SBF2: variants seen among roughly 807,000 people sequenced by gnomAD.
SBF2 encodes myotubularin-related protein 13.
SBF2 carries 112 observed loss-of-function variants against 225.2 expected under a neutral mutation model. The observed-to-expected ratio is 0.50, with a 90% CI of 0.43 to 0.58. SBF2 has a LOEUF of 0.58. Among genes scored for constraint, SBF2 ranks in the 20% least tolerant of loss-of-function variants. SBF2 has a pLI of 0.00. For missense variants in SBF2, 1,996 were observed against 2,206.2 expected (o/e 0.90, Z 1.91); for synonymous variants, 763 against 773.3 (o/e 0.99, Z 0.22).
At position 10,217,660 on chromosome 11, in the gene SBF2, C is replaced by CG. The variant is rs1958179823; in HGVS notation, c.56-23674_56-23673insC. The stretch of plus-strand genomic sequence containing the variant: ...CTCTATCAGAGGCCAAACTGTGCTG[C>CG]TACTTCCTCATAATTTTTATGAGAG... On this transcript the variant is annotated intron_variant, in intron 1 of 39. Coordinates refer to ENST00000256190, the MANE Select transcript of SBF2 (RefSeq NM_030962.4). Among the ~76,000 whole-genome samples the CG allele has an allele frequency of 2.6e-5, 4 of 152,246 alleles. No individual in the cohort carries two copies. In the South Asian group the frequency reaches 6.2e-4, roughly 24 times the overall value.
intron 1 of SBF2, among the ~76,000 whole-genome samples, chr11:10,252,106 G>A (rs563775645): frequency 3.3e-5 from 5 of 152,360 alleles, no homozygotes; most frequent in Admixed American, 1.3e-4. Context: ...TTTGCCTCCT[G>A]TAAACAGGAT....
intron 2 of SBF2, among the ~76,000 whole-genome samples, chr11:10,186,462 T>A (rs1339694585): frequency 6.6e-6 from 1 of 151,982 alleles, no homozygotes; most frequent in East Asian, 1.9e-4. Flanking sequence ...AGTCCAGGAG[T>A]TCGTGGTTAC....
chr11:10,201,373 A>G (rs775806191), intron 1 of SBF2, among the ~76,000 whole-genome samples: 2 of 152,190 alleles, frequency 1.3e-5, no homozygotes, highest in Non-Finnish European at 2.9e-5. Context: ...ATCAAAGTTC[A>G]CCAGAATAAG....
At chr11:9,845,237 A>C (rs1856454895) in intron 24 of SBF2, among the ~76,000 whole-genome samples, 1 of 152,238 alleles carries the variant, frequency 6.6e-6, no homozygotes, top group African/African-American at 2.4e-5. Flanking sequence ...CTGGGCCTGG[A>C]TATTAATAAA....
At chr11:10,048,663 G>A (rs1026139598) in intron 2 of SBF2, among the ~76,000 whole-genome samples, 4 of 152,146 alleles carry the variant, frequency 2.6e-5, no homozygotes, top group Admixed American at 6.5e-5. Context: ...GATAAAATAT[G>A]AGCTTTCAAG....
intron 1 of SBF2, among the ~76,000 whole-genome samples, chr11:10,201,506 T>C (rs1362366772): frequency 1.3e-5 from 2 of 152,236 alleles, no homozygotes; most frequent in South Asian, 2.1e-4. Context: ...TTGATCCATT[T>C]AGCATTTAAT....
chr11:9,832,455 G>A (rs200324453), intron 26 of SBF2, 35 bp from the exon 27 acceptor site: 35 of 1,515,604 alleles, frequency 2.3e-5, no homozygotes, highest in Non-Finnish European at 1.2e-5. Flanking sequence ...AGAATGATTG[G>A]GGGAAGGAAC....
intron 1 of SBF2, among the ~76,000 whole-genome samples, chr11:10,201,081 C>T (rs182431305): frequency 6.6e-6 from 1 of 152,180 alleles, no homozygotes; most frequent in Non-Finnish European, 1.5e-5. Context: ...CTCTCTTCTT[C>T]ATTAAGAATA....
chr11:10,002,617 A>G lies in SBF2; in HGVS notation c.692T>C (p.Phe231Ser). 6.2e-7 allele frequency: 1 copy of G among 1,613,052 alleles called. No homozygotes were observed. The highest frequency in any genetic ancestry group is 1.3e-5 in the African/African-American group (1 of 75,040). Residue 231 changes from phenylalanine (F) to serine (S), a missense_variant, in exon 7 of 40, where the codon TTC becomes TCC. Transcript: ENST00000256190. The stretch of plus-strand genomic sequence containing the variant: ...TCTACAAGCATCACTAAGTCTCTGG[A>G]AACTTGCAGAATGGAAGAGAACCTT... ...ENKVLFHSASFQRLSDACRAL... is the reference protein window; with the variant it reads ...ENKVLFHSASSQRLSDACRAL...
At position 10,002,626 on chromosome 11, in the gene SBF2, G is replaced by C. The variant is rs527564842; in HGVS notation, c.683C>G (p.Ser228Cys). 1 of 1,612,426 alleles carries C rather than the reference G, an allele frequency of 6.2e-7. No individual in the cohort carries two copies. Among genetic ancestry groups the C allele is most frequent in the East Asian group, 2.2e-5 (1 of 44,794 alleles). Residue 228 changes from serine to cysteine, a missense_variant, in exon 7 of 40, where the codon TCT becomes TGT. Coordinates refer to ENST00000256190, the MANE Select transcript of SBF2 (RefSeq NM_030962.4). ...VLTENKVLFHSASFQRLSDAC... is the reference protein window; with the variant it reads ...VLTENKVLFHCASFQRLSDAC... Reference sequence around the variant, plus strand: ...ATCACTAAGTCTCTGGAAACTTGCAGAATGGAAGAGAACCTTATTTTCTGT... The same window carrying C: ...ATCACTAAGTCTCTGGAAACTTGCACAATGGAAGAGAACCTTATTTTCTGT...
At chr11:10,289,091 G>A (rs955486428) in intron 1 of SBF2, among the ~76,000 whole-genome samples, 3 of 152,236 alleles carry the variant, frequency 2.0e-5, no homozygotes, top group Non-Finnish European at 2.9e-5. Flanking sequence ...GGCTGAGGAG[G>A]CAGGGGCCCA....
chr11:10,260,146 G>A (rs895356536), intron 1 of SBF2, among the ~76,000 whole-genome samples: 1 of 152,086 alleles, frequency 6.6e-6, no homozygotes, highest in Non-Finnish European at 1.5e-5. Context: ...AATTTTAAAA[G>A]GCCACAATAG....
In SBF2 at chr11:9,784,968, C is replaced by CAA. The variant is rs1852275179; in HGVS notation, c.5231+155_5231+156dup. On this transcript the variant is annotated intron_variant, in intron 37 of 39. Coordinates refer to ENST00000256190, the MANE Select transcript of SBF2 (RefSeq NM_030962.4). ...TTGTAATTTTTGTTTTTTGTCTTTT[C>CAA]AAAGAAACATCTAAAACATTACAAA... 3 of 746,170 alleles carry CAA rather than the reference C, an allele frequency of 4.0e-6. No homozygotes were observed. The East Asian group carries it at 8.1e-5, about 20-fold the overall frequency. The allele number at this position is 746,170 out of a possible 1,614,324, so 46.2% of individuals were successfully genotyped here.
In SBF2 at chr11:10,211,014, C is replaced by CAAA. The variant is rs1230619092; in HGVS notation, c.56-17030_56-17028dup. ...GGCGACAAGAGCAAGACTCTTGACT[C>CAAA]AAAAAAAAAAAAAAAAAAAAAGAGC... On this transcript the variant is annotated intron_variant, in intron 1 of 39. Coordinates refer to ENST00000256190, the MANE Select transcript of SBF2 (RefSeq NM_030962.4). 1.3e-3 allele frequency among the ~76,000 whole-genome samples: 43 copies of CAAA among 33,016 alleles called. 6 individuals are homozygous for CAAA. Among genetic ancestry groups the CAAA allele is most frequent in the Non-Finnish European group, 2.0e-3 (31 of 15,264 alleles). The allele number at this position is 33,016 out of a possible 152,430, so 21.7% of individuals were successfully genotyped here. A position where few individuals can be genotyped will look rare whatever the true frequency, so the allele number is the denominator to read the frequency against.
chr11:10,237,742 A>T (rs1959133285), intron 1 of SBF2, among the ~76,000 whole-genome samples: 1 of 152,188 alleles, frequency 6.6e-6, no homozygotes, highest in South Asian at 2.1e-4. Context: ...TTCTTTAGGC[A>T]CCTTTGTAAT....
chr11:9,989,055 T>TATATATATATATATATATATATACAC (rs963608316), intron 13 of SBF2, among the ~76,000 whole-genome samples: 1 of 142,630 alleles, frequency 7.0e-6, no homozygotes, highest in Non-Finnish European at 1.6e-5. Context: ...TATATATATA[T>TATATATATATATATATATATATACAC]ACATATGCAT....
intron 17 of SBF2, among the ~76,000 whole-genome samples, chr11:9,868,510 AC>A (rs1858439225): frequency 6.6e-6 from 1 of 151,990 alleles, no homozygotes; most frequent in East Asian, 1.9e-4. Context: ...AGAGTGACAG[AC>A]AAAAAAATAA....
At chr11:9,971,038 T>C (rs1590643540) in intron 13 of SBF2, among the ~76,000 whole-genome samples, 2 of 152,328 alleles carry the variant, frequency 1.3e-5, no homozygotes, top group East Asian at 3.9e-4. Context: ...TCATATACTG[T>C]CTTCCCAAAA....
Position 9,992,406 on chromosome 11 carries a change from G to A in SBF2, c.1296+9C>T. Reference sequence around the variant, plus strand: ...TATAAATAATGCCTTCATTTAATAAGAGCTATACCTCATCAAAGAGATCAC... The same window carrying A: ...TATAAATAATGCCTTCATTTAATAAAAGCTATACCTCATCAAAGAGATCAC... On this transcript the variant is annotated intron_variant, in intron 12 of 39. Coordinates refer to ENST00000256190, the MANE Select transcript of SBF2 (RefSeq NM_030962.4). The A allele has an allele frequency of 2.5e-6, 4 of 1,610,484 alleles. No homozygotes were observed. Among genetic ancestry groups the A allele is most frequent in the Non-Finnish European group, 3.4e-6 (4 of 1,177,708 alleles).
Sources: allele counts gnomAD v4.1 joint callset (sites outside exome capture counted in the v4.1 genomes callset), GRCh38; gene constraint gnomAD v4.1.1; transcripts MANE v1.5; gene names NCBI Gene and HGNC (gene_info 2026-07-23, HGNC 2026-07-21).